The following SLC35F3 variants were observed in gnomAD, a reference collection of about 807,000 sequenced individuals.
SLC35F3 encodes the protein putative thiamine transporter SLC35F3.
In SLC35F3, 25 loss-of-function variants were observed where a neutral mutation model predicts 49.9. That is an observed-to-expected ratio of 0.50 (90% CI 0.37 to 0.70). SLC35F3 has a LOEUF of 0.70. Ranked by LOEUF, SLC35F3 falls within the 30% of genes least tolerant of loss-of-function variation. The probability of loss-of-function intolerance (pLI) is 0.00; values close to 1 mark genes in which losing one functional copy is unlikely to be tolerated. For missense variants in SLC35F3, 525 were observed against 639.8 expected, an observed-to-expected ratio of 0.82 and a Z score of 1.94; for synonymous variants, 275 against 265.4, an observed-to-expected ratio of 1.04 and a Z score of -0.35.
At chr1:234,206,943 G>A (rs1004775480) in intron 2 of SLC35F3, among the ~76,000 whole-genome samples, 2 of 152,002 alleles carry the variant, frequency 1.3e-5, no homozygotes, top group African/African-American at 4.8e-5. Flanking sequence ...GTCTTCCTCC[G>A]ACTCAAGCCC....
chr1:234,146,025 C>T (rs1384837004), intron 2 of SLC35F3, among the ~76,000 whole-genome samples: 3 of 152,032 alleles, frequency 2.0e-5, no homozygotes, highest in East Asian at 3.9e-4. Flanking sequence ...TTTAATTGAA[C>T]CTCTTTATAA....
At chr1:234,181,285 G>A (rs1171801985) in intron 2 of SLC35F3, among the ~76,000 whole-genome samples, 20 of 146,224 alleles carry the variant, frequency 1.4e-4, no homozygotes, top group Non-Finnish European at 1.6e-4. Context: ...GCAGTGAGTC[G>A]AGATTGTGTC....
At chr1:234,114,645 T>C (rs1665457913) in intron 2 of SLC35F3, among the ~76,000 whole-genome samples, 1 of 152,236 alleles carries the variant, frequency 6.6e-6, no homozygotes, top group Non-Finnish European at 1.5e-5. Context: ...TAATGTGTTT[T>C]TAAGAGTAAT....
chr1:234,244,001 G>C (rs1046217313), intron 3 of SLC35F3, among the ~76,000 whole-genome samples: 1 of 152,182 alleles, frequency 6.6e-6, no homozygotes, highest in African/African-American at 2.4e-5. Context: ...GCTCACCAAC[G>C]GGTGAAATGA....
intron 4 of SLC35F3, among the ~76,000 whole-genome samples, chr1:234,315,161 T>C (rs1042653882): frequency 6.6e-6 from 1 of 152,098 alleles, no homozygotes; most frequent in African/African-American, 2.4e-5. Flanking sequence ...CGCAGACAGA[T>C]TGGGCCAGGC....
At chr1:234,019,551 T>C (rs1476927476) in intron 2 of SLC35F3, among the ~76,000 whole-genome samples, 2 of 150,582 alleles carry the variant, frequency 1.3e-5, no homozygotes, top group Non-Finnish European at 2.9e-5. Context: ...ACCTCAGGGG[T>C]TTTTTTCCTC....
intron 2 of SLC35F3, among the ~76,000 whole-genome samples, chr1:234,119,409 G>A (rs533626673): frequency 6.3e-4 from 96 of 151,596 alleles, no homozygotes; most frequent in Non-Finnish European, 9.9e-4. Flanking sequence ...AATCTGTCTC[G>A]TGGCAAAGCT....
chr1:234,009,139 GA>G (rs1213044446), intron 2 of SLC35F3, among the ~76,000 whole-genome samples: 9 of 151,672 alleles, frequency 5.9e-5, no homozygotes, highest in African/African-American at 2.2e-4. Flanking sequence ...CCTATCTATC[GA>G]AAAAAAGCAG....
intron 2 of SLC35F3, among the ~76,000 whole-genome samples, chr1:234,049,008 C>T (rs147969757): frequency 1.2e-4 from 18 of 152,244 alleles, no homozygotes; most frequent in Admixed American, 2.0e-4. Context: ...AAGAATTTGC[C>T]TCAGCATGAT....
At chr1:234,187,421 C>T (rs1572086734) in intron 2 of SLC35F3, among the ~76,000 whole-genome samples, 1 of 152,190 alleles carries the variant, frequency 6.6e-6, no homozygotes, top group Admixed American at 6.5e-5. Context: ...GACTAAATTG[C>T]AGCTTTCACT....
chr1:233,961,911 G>A (rs1212261272), intron 2 of SLC35F3, among the ~76,000 whole-genome samples: 1 of 152,234 alleles, frequency 6.6e-6, no homozygotes, highest in African/African-American at 2.4e-5. Flanking sequence ...ACGTGGCAAT[G>A]AAGTGAGTGG....
chr1:234,238,351 C>A (rs1291831676), intron 3 of SLC35F3, among the ~76,000 whole-genome samples: 1 of 152,152 alleles, frequency 6.6e-6, no homozygotes. Context: ...AATGAGAAGT[C>A]ATAATGGGCA....
chr1:234,180,639 C>T (rs951140468), intron 2 of SLC35F3, among the ~76,000 whole-genome samples: 1 of 152,168 alleles, frequency 6.6e-6, no homozygotes, highest in African/African-American at 2.4e-5. Context: ...TCATTCACCT[C>T]TCTTCCTATT....
At chr1:234,277,995 A>G (rs1339255244) in intron 3 of SLC35F3, among the ~76,000 whole-genome samples, 1 of 152,108 alleles carries the variant, frequency 6.6e-6, no homozygotes, top group Non-Finnish European at 1.5e-5. Flanking sequence ...GGAGTATACA[A>G]CCAGCCTGGG....
intron 2 of SLC35F3, among the ~76,000 whole-genome samples, chr1:233,978,552 C>A (rs1187273383): frequency 6.6e-6 from 1 of 152,154 alleles, no homozygotes; most frequent in Non-Finnish European, 1.5e-5. Context: ...TAGACAAAAC[C>A]TGATGCTGGG....
Position 234,320,075 on chromosome 1 carries a change from G to A in SLC35F3, c.1148-23G>A, listed in dbSNP as rs148813050. 8.6e-4 allele frequency: 1,314 copies of A among 1,527,866 alleles called. 17 individuals are homozygous for A. In the Admixed American group the frequency reaches 0.02, roughly 23 times the overall value. 94.6% of individuals were successfully genotyped at this position (1,527,866 alleles called of 1,614,324 possible). On this transcript the variant is annotated intron_variant, in intron 6 of 7. Transcript: ENST00000366618. The surrounding 1 kb of genome is among the most constrained non-coding windows in gnomAD (Gnocchi z 4.8). ...TACACAGCAGTCATGAATAACACTCGTTGTTTACATTCTTTATTTCAGCAT... is the reference window on the plus strand; with the variant it reads ...TACACAGCAGTCATGAATAACACTCATTGTTTACATTCTTTATTTCAGCAT...
At chr1:233,995,398 C>T (rs1387115223) in intron 2 of SLC35F3, among the ~76,000 whole-genome samples, 1 of 136,706 alleles carries the variant, frequency 7.3e-6, no homozygotes. Context: ...GTGGGAGCCC[C>T]TGGCCAGATG....
intron 2 of SLC35F3, among the ~76,000 whole-genome samples, chr1:234,143,938 G>A (rs767072088): frequency 3.9e-5 from 6 of 152,272 alleles, no homozygotes; most frequent in Non-Finnish European, 8.8e-5. Flanking sequence ...AGGGGTCACA[G>A]GGTAACTTGA....
intron 2 of SLC35F3, among the ~76,000 whole-genome samples, chr1:234,114,570 T>G (rs1053104218): frequency 3.3e-5 from 5 of 152,246 alleles, no homozygotes; most frequent in Admixed American, 3.3e-4. Context: ...TCTCCACTTG[T>G]GTTCATGTAC....
Sources: allele counts gnomAD v4.1 joint callset (sites outside exome capture counted in the v4.1 genomes callset), GRCh38; gene constraint gnomAD v4.1.1; non-coding constraint Gnocchi (gnomAD v3.1); transcripts MANE v1.5; gene names NCBI Gene and HGNC (gene_info 2026-07-23, HGNC 2026-07-21).